Variants in C11orf71 observed in about 807,000 individuals in gnomAD.
C11orf71 encodes chromosome 11 open reading frame 71.
For missense variants in C11orf71, 179 were observed against 167.6 expected (o/e 1.07, Z -0.38); for synonymous variants, 72 against 73.4 (o/e 0.98, Z 0.09).
chr11:114,392,732 C>T (rs78492866), intron 1 of C11orf71, among the ~76,000 whole-genome samples: 1 of 64,518 alleles, frequency 1.5e-5, no homozygotes, highest in Non-Finnish European at 3.2e-5. Context: ...GATCCTGTCT[C>T]AAAAAAAAAA....
At position 114,400,453 on chromosome 11, in the gene C11orf71, G is replaced by A. The variant is rs1000122162; in HGVS notation, c.-122C>T. On this transcript the variant is annotated 5_prime_UTR_variant, in exon 1 of 1. Coordinates refer to ENST00000623205, the MANE Select transcript of C11orf71 (RefSeq NM_001271562.2). ...ACTAAGCACACAGGAACCCATAACTGAGCCTGCGGAAGAGCCAGAAGCCGC... is the reference window on the plus strand; with the variant it reads ...ACTAAGCACACAGGAACCCATAACTAAGCCTGCGGAAGAGCCAGAAGCCGC... 15 of 1,369,954 alleles carry A rather than the reference G, an allele frequency of 1.1e-5. No homozygotes were observed. Among genetic ancestry groups the A allele is most frequent in the Non-Finnish European group, 1.4e-5 (14 of 1,024,910 alleles). 84.9% of individuals were successfully genotyped at this position (1,369,954 alleles called of 1,614,324 possible).
rs748595867 is a variant in C11orf71 at position 114,400,261 on chromosome 11, C to T, written c.71G>A (p.Gly24Asp). ...CGCTGACGCCCGCGGTCTGAGGTCG[C>T]CATGGGAAGAGCGGTAGGCCACCCT... ...RSRVAYRSSH[G>D]DLRPRASALA... is the part of the protein sequence containing the mutation. The change falls in exon 1 of 1, where the codon GGC (glycine) becomes GAC (aspartate). Residue 24 changes from glycine to aspartate, a missense_variant. Coordinates refer to ENST00000623205, the MANE Select transcript of C11orf71 (RefSeq NM_001271562.2). 3.1e-6 allele frequency: 5 copies of T among 1,611,180 alleles called. No individual in the cohort carries two copies. In the South Asian group the frequency reaches 5.5e-5, roughly 18 times the overall value.
intron 1 of C11orf71, among the ~76,000 whole-genome samples, chr11:114,393,217 T>C (rs1353316815): frequency 6.6e-6 from 1 of 152,256 alleles, no homozygotes; most frequent in East Asian, 1.9e-4. Flanking sequence ...AGCTGCTTTA[T>C]GCCTTCCTAT....
chr11:114,394,227 T>TTTCCTTTCCTTTCCTTTC (rs1946101288), downstream of C11orf71, among the ~76,000 whole-genome samples: 15 of 42,328 alleles, frequency 3.5e-4, no homozygotes, highest in Non-Finnish European at 2.8e-4. Context: ...TCTTTTCTTT[T>TTTCCTTTCCTTTCCTTTC]CTTTCTTTTC....
downstream of C11orf71, among the ~76,000 whole-genome samples, chr11:114,394,257 C>CTTTTCTT (rs1159546251): frequency 1.5e-5 from 1 of 65,512 alleles, no homozygotes; most frequent in Non-Finnish European, 2.5e-5. Flanking sequence ...CTTTTCTTTT[C>CTTTTCTT]TTTTCTTTTC....
downstream of C11orf71, among the ~76,000 whole-genome samples, chr11:114,394,188 C>CTTTTT (rs774640964): frequency 2.1e-5 from 1 of 47,466 alleles, no homozygotes; most frequent in East Asian, 4.4e-4. Context: ...CGTTTCTTTT[C>CTTTTT]TTTTCTTTTC....
chr11:114,394,294 T>TCTTTTCTTTTCTTTTCTC (rs1449247620), downstream of C11orf71, among the ~76,000 whole-genome samples: 76 of 41,764 alleles, frequency 1.8e-3, 5 homozygotes, highest in South Asian at 4.2e-3. Context: ...TTTCTCTTAT[T>TCTTTTCTTTTCTTTTCTC]TTCTTTTCTT....
At chr11:114,391,567 A>G (rs1170757895) in exon 2 of C11orf71, 27 of 1,504,574 alleles carry the variant, frequency 1.8e-5, no homozygotes, top group Non-Finnish European at 2.1e-5. Context: ...AAATCAGTTC[A>G]TATTACTAAA....
rs1193939408 is a variant in C11orf71 at position 114,400,212 on chromosome 11, G to GC, written c.119dup (p.Phe41LeufsTer7). The GC allele has an allele frequency of 6.2e-7, 1 of 1,612,852 alleles. No individual in the cohort carries two copies. The highest frequency in any genetic ancestry group is 1.3e-5 in the African/African-American group (1 of 74,922). ...TCGCTTCAGGCCTGGAAACGAGGAA[G>GC]CCGTCTCCGGAGACCATCGCCAACG... On this transcript the variant is annotated frameshift_variant, in exon 1 of 1. Coordinates refer to ENST00000623205, the MANE Select transcript of C11orf71 (RefSeq NM_001271562.2). LOFTEE classifies it low-confidence loss of function (END_TRUNC).
chr11:114,394,193 CTTTTCT>C (rs1555024159), downstream of C11orf71, among the ~76,000 whole-genome samples: 1 of 48,782 alleles, frequency 2.0e-5, no homozygotes, highest in African/African-American at 9.4e-5. Flanking sequence ...CTTTTCTTTT[CTTTTCT>C]TTTCTTTTCT....
chr11:114,391,570 T>C (rs1243946267), exon 2 of C11orf71: 7 of 1,512,300 alleles, frequency 4.6e-6, no homozygotes, highest in Middle Eastern at 1.7e-4. Context: ...TCAGTTCATA[T>C]TACTAAAATT....
chr11:114,399,956 T>C lies in C11orf71; in HGVS notation c.*4A>G. ...TAAGTGAGGGCCAGAGGAAAGGTGT[T>C]CGTTTAAACTGAAATTCGAGCTGCG... On this transcript the variant is annotated 3_prime_UTR_variant, in exon 1 of 1. Coordinates refer to ENST00000623205, the MANE Select transcript of C11orf71 (RefSeq NM_001271562.2). 1 of 1,591,028 alleles carries C rather than the reference T, an allele frequency of 6.3e-7. No individual in the cohort carries two copies. Among genetic ancestry groups the C allele is most frequent in the Non-Finnish European group, 8.6e-7 (1 of 1,163,220 alleles).
At chr11:114,395,481 T>C (rs897215197), downstream of C11orf71, among the ~76,000 whole-genome samples, 13 of 152,204 alleles carry the variant, frequency 8.5e-5, no homozygotes, top group African/African-American at 2.9e-4. Context: ...TGAAATGTTT[T>C]TGGAGTGTGC....
intron 1 of C11orf71, among the ~76,000 whole-genome samples, chr11:114,393,074 A>T (rs1461738036): frequency 6.6e-6 from 1 of 152,244 alleles, no homozygotes; most frequent in East Asian, 1.9e-4. Context: ...CGGGTTCAGC[A>T]ATTAGCTTTT....
downstream of C11orf71, among the ~76,000 whole-genome samples, chr11:114,395,367 G>A (rs1216729734): frequency 6.6e-6 from 1 of 152,242 alleles, no homozygotes; most frequent in Non-Finnish European, 1.5e-5. Context: ...ATGAGGACAA[G>A]CAATTTGGTT....
chr11:114,400,055 G>C lies in C11orf71; in HGVS notation c.277C>G (p.Pro93Ala), dbSNP rs756017827. 7 of 1,613,960 alleles carry C rather than the reference G, an allele frequency of 4.3e-6. No individual in the cohort carries two copies. The highest frequency in any genetic ancestry group is 1.7e-6 in the Non-Finnish European group (2 of 1,179,912). The change falls in exon 1 of 1, where the codon CCA (proline) becomes GCA (alanine). Residue 93 changes from proline to alanine, a missense_variant. Pro to Ala is a conservative substitution (Grantham distance 27). Transcript: ENST00000623205. ...RSRQARFSPY[P>A]IPAVEPDLLR... ...AGATCGGGTTCAACGGCAGGGATTG[G>C]GTAAGGTGAGAATCTGGCTTGGCGG...
Position 114,400,469 on chromosome 11 carries a change from C to T in C11orf71, c.-138G>A, listed in dbSNP as rs1014366269. The stretch of plus-strand genomic sequence containing the variant: ...CCCATAACTGAGCCTGCGGAAGAGC[C>T]AGAAGCCGCCTTGCCTTTAACGAGG... On this transcript the variant is annotated 5_prime_UTR_variant, in exon 1 of 1. Coordinates refer to ENST00000623205, the MANE Select transcript of C11orf71 (RefSeq NM_001271562.2). The T allele has an allele frequency of 2.3e-6, 3 of 1,314,694 alleles. No individual in the cohort carries two copies. In the African/African-American group the frequency reaches 4.5e-5, roughly 20 times the overall value. 81.4% of individuals were successfully genotyped at this position (1,314,694 alleles called of 1,614,324 possible). A position where few individuals can be genotyped will look rare whatever the true frequency, so the allele number is the denominator to read the frequency against.
At chr11:114,395,621 G>A (rs1946125743), downstream of C11orf71, among the ~76,000 whole-genome samples, 1 of 152,210 alleles carries the variant, frequency 6.6e-6, no homozygotes. Context: ...GAAATAAGGA[G>A]CCAAGTAAAC....
At chr11:114,396,343 A>G (rs953591564), downstream of C11orf71, among the ~76,000 whole-genome samples, 3 of 152,264 alleles carry the variant, frequency 2.0e-5, no homozygotes, top group Non-Finnish European at 4.4e-5. Context: ...AGAAGGCAAT[A>G]AAGCATGTGC....
Sources: gnomAD v4.1 joint callset for allele counts (sites outside exome capture counted in the v4.1 genomes callset) on GRCh38, gnomAD v4.1.1 for gene constraint, MANE v1.5 for transcripts, NCBI Gene and HGNC (gene_info 2026-07-23, HGNC 2026-07-21) for gene names.